The following PCNX2 variants were observed in gnomAD, a reference collection of about 807,000 sequenced individuals.
PCNX2 encodes pecanex-like protein 2.
In PCNX2, 168 loss-of-function variants were observed where a neutral mutation model predicts 223.8. That is an observed-to-expected ratio of 0.75 (90% CI 0.66 to 0.85). The LOEUF is 0.85. Ranked by LOEUF, PCNX2 falls within the 40% of genes least tolerant of loss-of-function variation. The probability of loss-of-function intolerance (pLI) is 0.00; values close to 1 mark genes in which losing one functional copy is unlikely to be tolerated. For synonymous variants in PCNX2, 1,006 were observed against 1,052.6 expected (o/e 0.96, Z 0.86); for missense variants, 2,507 against 2,675.5 (o/e 0.94, Z 1.39).
intron 22 of PCNX2, chr1:233,095,535 T>A: frequency 1.8e-6 from 1 of 552,892 alleles, no homozygotes; most frequent in South Asian, 2.3e-5. Context: ...AAAATAAAAG[T>A]AACTCCTGAA....
intron 25 of PCNX2, among the ~76,000 whole-genome samples, chr1:233,044,691 GGA>G: frequency 6.6e-6 from 1 of 150,646 alleles, no homozygotes; most frequent in African/African-American, 2.4e-5. Context: ...TTTTTGAGAC[GGA>G]GTTTCACTCT....
At chr1:233,200,439 G>A (rs939500360) in intron 13 of PCNX2, among the ~76,000 whole-genome samples, 175 bp from the exon 14 acceptor site, 1 of 144,738 alleles carries the variant, frequency 6.9e-6, no homozygotes, top group Non-Finnish European at 1.5e-5. Flanking sequence ...GCCCAGGCTG[G>A]AGTGCAGTGG....
At chr1:233,238,818 C>T (rs1316170440) in intron 8 of PCNX2, among the ~76,000 whole-genome samples, 3 of 152,098 alleles carry the variant, frequency 2.0e-5, no homozygotes, top group Middle Eastern at 3.4e-3. Flanking sequence ...GGGTTTAGGA[C>T]GTGAACCAGG....
chr1:233,313,047 A>C, the PCNX2 span, among the ~76,000 whole-genome samples: 1 of 152,260 alleles, frequency 6.6e-6, no homozygotes, highest in South Asian at 2.1e-4. Context: ...CTAAAGGAAG[A>C]AACTAAAATT....
intron 17 of PCNX2, among the ~76,000 whole-genome samples, chr1:233,171,580 T>C (rs1679153970): frequency 6.6e-6 from 1 of 152,182 alleles, no homozygotes; most frequent in African/African-American, 2.4e-5. Flanking sequence ...GAATGAGATC[T>C]GTTCATTCTG....
chr1:233,206,799 C>G (rs1681493066), intron 13 of PCNX2, among the ~76,000 whole-genome samples: 1 of 152,012 alleles, frequency 6.6e-6, no homozygotes, highest in African/African-American at 2.4e-5. Context: ...GTGGGCGGAT[C>G]ACTTGAGGTC....
intron 1 of PCNX2, among the ~76,000 whole-genome samples, chr1:233,294,359 A>G (rs1282322342): frequency 6.6e-6 from 1 of 152,222 alleles, no homozygotes; most frequent in East Asian, 1.9e-4. Flanking sequence ...TAACCAGTAG[A>G]CCCAAAATTT....
Position 233,126,619 on chromosome 1 carries a change from CAG to C in PCNX2, c.3837+8392_3837+8393del, listed in dbSNP as rs1175049921. ...TAGGAAGAGGTTAGGGTTAAGCAGA[CAG>C]AGATATGCATTAAAACAGACTTTTT... On this transcript the variant is annotated intron_variant, in intron 21 of 33. Coordinates refer to ENST00000258229, the MANE Select transcript of PCNX2 (RefSeq NM_014801.4). This position sits in a 1 kb window ranked among gnomAD's most constrained non-coding sequence, Gnocchi z 4.8. 6.6e-6 allele frequency among the ~76,000 whole-genome samples: 1 copy of C among 151,980 alleles called. No homozygotes were observed.
intron 19 of PCNX2, among the ~76,000 whole-genome samples, chr1:233,147,217 C>T (rs1466310493): frequency 1.3e-5 from 2 of 152,098 alleles, no homozygotes; most frequent in African/African-American, 2.4e-5. Flanking sequence ...TTGACTCCCC[C>T]AAAACTTAAC....
At chr1:233,265,325 G>T (rs1248771288) in intron 1 of PCNX2, among the ~76,000 whole-genome samples, 2 of 152,022 alleles carry the variant, frequency 1.3e-5, no homozygotes, top group East Asian at 3.9e-4. Context: ...GTCAGCAAGG[G>T]TAGCAAAGAG....
intron 1 of PCNX2, among the ~76,000 whole-genome samples, chr1:233,272,672 T>C (rs962577739): frequency 7.2e-5 from 11 of 152,178 alleles, no homozygotes; most frequent in African/African-American, 2.7e-4. Flanking sequence ...GAAATCCTTA[T>C]ATGAAAAAGA....
chr1:233,261,235 A>G (rs374623335), intron 4 of PCNX2, 50 bp downstream of exon 4: 7 of 1,486,632 alleles, frequency 4.7e-6, no homozygotes, highest in Non-Finnish European at 6.6e-6. Context: ...AATATTTCTC[A>G]CTTCACTGAG....
At chr1:233,231,710 C>T (rs1237346323) in intron 9 of PCNX2, 2 of 972,046 alleles carry the variant, frequency 2.1e-6, no homozygotes, top group East Asian at 2.3e-4. Flanking sequence ...CGTGTAACTC[C>T]TAACAGCTAT....
In PCNX2 at chr1:233,205,230, G is replaced by A. The variant is rs181167882; in HGVS notation, c.2863+3288C>T. On this transcript the variant is annotated intron_variant, in intron 13 of 33. Transcript: ENST00000258229. ...AATTTGTAAATGGAAGACACATCAT[G>A]CTCTTCATGCCCCAAACCTCTTTCT... is the stretch of plus-strand genomic sequence containing the variant. 9.2e-5 allele frequency among the ~76,000 whole-genome samples: 14 copies of A among 152,278 alleles called. No homozygotes were observed. The East Asian group carries it at 2.5e-3, about 27-fold the overall frequency.
intron 17 of PCNX2, among the ~76,000 whole-genome samples, chr1:233,170,399 G>A (rs1484240388): frequency 6.6e-6 from 1 of 152,140 alleles, no homozygotes; most frequent in Non-Finnish European, 1.5e-5. Flanking sequence ...GATGATTAAT[G>A]AGGTTGCCCA....
intron 15 of PCNX2, among the ~76,000 whole-genome samples, chr1:233,186,224 T>C (rs1475797970): frequency 6.6e-6 from 1 of 152,196 alleles, no homozygotes; most frequent in Admixed American, 6.5e-5. Flanking sequence ...TTTTATCGCA[T>C]TAAACATAGG....
the PCNX2 span, among the ~76,000 whole-genome samples, chr1:233,308,929 T>C: frequency 6.6e-6 from 1 of 152,150 alleles, no homozygotes; most frequent in Non-Finnish European, 1.5e-5. Context: ...TTTAACTTAC[T>C]TATTAAAGGA....
chr1:233,324,320 T>C, the PCNX2 span, among the ~76,000 whole-genome samples: 2 of 152,182 alleles, frequency 1.3e-5, no homozygotes, highest in African/African-American at 2.4e-5. Context: ...CACTAAACAA[T>C]AGATTTTCAA....
At chr1:233,040,256 G>T (rs7515790) in intron 25 of PCNX2, among the ~76,000 whole-genome samples, 20,381 of 152,060 alleles carry the variant, frequency 0.13, 2,394 homozygotes, top group African/African-American at 0.32. Flanking sequence ...AATAAGGATT[G>T]TGCACACATA....
Sources: gnomAD v4.1 joint callset for allele counts (sites outside exome capture counted in the v4.1 genomes callset) on GRCh38, gnomAD v4.1.1 for gene constraint, Gnocchi (gnomAD v3.1) non-coding constraint, MANE v1.5 for transcripts, NCBI Gene and HGNC (gene_info 2026-07-23, HGNC 2026-07-21) for gene names.